Variants in CEP192 observed in about 807,000 individuals in gnomAD.
CEP192 encodes centrosomal protein 192, also known as centrosomal protein of 192 kDa.
A neutral mutation model predicts 271.8 loss-of-function variants in CEP192; 151 were observed. The ratio of observed to expected loss-of-function variants is 0.56; its 90% CI spans 0.49 to 0.64. The LOEUF is 0.64. Among genes scored for constraint, CEP192 ranks in the 30% least tolerant of loss-of-function variants. CEP192 has a pLI of 0.00. For synonymous variants in CEP192, 995 were observed against 1,076.5 expected, an observed-to-expected ratio of 0.92 and a Z score of 1.48; for missense variants, 2,910 against 3,020.5, an observed-to-expected ratio of 0.96 and a Z score of 0.86.
rs983383132 is a variant in CEP192, at chr18:13,100,356, A to G, written c.6715A>G (p.Thr2239Ala). ...REDLTQVELLTRLTSKPFGIL... is the reference protein window; with the variant it reads ...REDLTQVELLARLTSKPFGIL... ...AGATTTAACTCAAGTGGAACTTTTA[A>G]CTCGTTTGACCTCCAAACCATTTGG... Residue 2239 changes from threonine (T) to alanine (A), a missense_variant, in exon 38 of 45, where the codon ACT becomes GCT. Transcript: ENST00000506447. The G allele has an allele frequency of 1.5e-5, 24 of 1,613,994 alleles. No individual in the cohort carries two copies. The highest frequency in any genetic ancestry group is 2.0e-5 in the Non-Finnish European group (24 of 1,179,988).
chr18:13,006,541 T>G (rs1402058064), intron 3 of CEP192, among the ~76,000 whole-genome samples: 2 of 152,196 alleles, frequency 1.3e-5, no homozygotes, highest in Non-Finnish European at 2.9e-5. Context: ...TTCTGAAGAT[T>G]CTGATTAGAA....
chr18:13,010,189 A>C (rs965045208), intron 4 of CEP192, among the ~76,000 whole-genome samples: 27 of 152,164 alleles, frequency 1.8e-4, no homozygotes, highest in Middle Eastern at 3.2e-3. Context: ...GTTTAAAAAA[A>C]TCATAGGCTT....
At position 13,116,487 on chromosome 18, in the gene CEP192, C is replaced by A. The variant is rs1169473037; in HGVS notation, c.7400C>A (p.Ser2467Tyr). ...CTTAAAGTCAATCTGCGAAATAATT[C>A]TTTTATTACACACTCAGTAAGTTGG... ...RTLKVNLRNN[S>Y]FITHSLKFLS... is the part of the protein sequence containing the mutation. The change falls in exon 43 of 45, where the codon TCT becomes TAT. Residue 2467 changes from serine (S) to tyrosine (Y), a missense_variant. Transcript: ENST00000506447. 6.2e-7 allele frequency: 1 copy of A among 1,607,378 alleles called. No homozygotes were observed. Among genetic ancestry groups the A allele is most frequent in the Non-Finnish European group, 8.5e-7 (1 of 1,177,772 alleles).
In CEP192 at chr18:13,124,670, C is replaced by G. The variant is rs199981193; in HGVS notation, c.7514C>G (p.Pro2505Arg). The change falls in exon 45 of 45, where the codon CCG becomes CGG. Residue 2505 changes from proline to arginine, a missense_variant. By Grantham distance (103) the Pro-to-Arg change is moderately radical. Coordinates refer to ENST00000506447, the MANE Select transcript of CEP192 (RefSeq NM_032142.4). The stretch of plus-strand genomic sequence containing the variant: ...ATCAACATGCCCGTGCAGTTCAAAC[C>G]GAAGTCCGCAGGCAAATTTGAAGCT... ...HYINMPVQFK[P>R]KSAGKFEALL... The G allele has an allele frequency of 1.2e-6, 2 of 1,613,968 alleles. No homozygotes were observed. The highest frequency in any genetic ancestry group is 1.7e-6 in the Non-Finnish European group (2 of 1,179,948).
chr18:13,091,829 T>C (rs2144747724), intron 33 of CEP192, among the ~76,000 whole-genome samples: 1 of 152,320 alleles, frequency 6.6e-6, no homozygotes, highest in African/African-American at 2.4e-5. Flanking sequence ...GTTTCTAGAT[T>C]TACTTTAAAT....
rs1161156363 is a variant in CEP192, at chr18:13,105,012, G to A, written c.6980G>A (p.Arg2327Lys). 1 of 1,613,822 alleles carries A rather than the reference G, an allele frequency of 6.2e-7. No homozygotes were observed. The highest frequency in any genetic ancestry group is 1.3e-5 in the African/African-American group (1 of 74,922). The change falls in exon 40 of 45, where the codon AGA becomes AAA. Residue 2327 changes from arginine to lysine, a missense_variant. Coordinates refer to ENST00000506447, the MANE Select transcript of CEP192 (RefSeq NM_032142.4). Reference protein sequence around the residue: ...KGVDESGDVFRATYAAFRCSP... With the variant: ...KGVDESGDVFKATYAAFRCSP... ...GTTGATGAAAGTGGAGATGTTTTTA[G>A]AGCTACCTATGCAGCATTCAGATGT...
chr18:12,991,740 C>G (rs1363462868), intron 1 of CEP192, among the ~76,000 whole-genome samples: 2 of 152,250 alleles, frequency 1.3e-5, no homozygotes, highest in Non-Finnish European at 2.9e-5. Context: ...TCTTTCCTCC[C>G]CTCTTGTCTG....
At chr18:13,093,852 G>A (rs1461718936) in intron 34 of CEP192, among the ~76,000 whole-genome samples, 1 of 152,176 alleles carries the variant, frequency 6.6e-6, no homozygotes, top group Non-Finnish European at 1.5e-5. Flanking sequence ...CATAGATAAG[G>A]ACATTAGTGT....
chr18:13,105,804 C>G (rs1409895844), intron 40 of CEP192, among the ~76,000 whole-genome samples: 1 of 152,144 alleles, frequency 6.6e-6, no homozygotes, highest in Non-Finnish European at 1.5e-5. Flanking sequence ...ACAACAGAAG[C>G]AAAGCAGAAG....
At chr18:13,073,668 G>A (rs1328438387) in intron 30 of CEP192, among the ~76,000 whole-genome samples, 1 of 152,210 alleles carries the variant, frequency 6.6e-6, no homozygotes, top group African/African-American at 2.4e-5. Flanking sequence ...AGCAGATGCG[G>A]CATCTGGTGA....
At chr18:12,997,234 C>T (rs1414893831) in intron 1 of CEP192, among the ~76,000 whole-genome samples, 1 of 151,880 alleles carries the variant, frequency 6.6e-6, no homozygotes, top group Non-Finnish European at 1.5e-5. Context: ...AGGAATCAGA[C>T]CGAGGGGTTG....
rs948405633 is a variant in CEP192, at chr18:13,001,442, A to AT, written c.165-7dup. ...ATTTAATTCTTAACAATTAAAACAAATTTTTTTTGTATAGGTATCCTGATA... is the reference window on the plus strand; with the variant it reads ...ATTTAATTCTTAACAATTAAAACAAATTTTTTTTTGTATAGGTATCCTGATA... On this transcript the variant is annotated splice_polypyrimidine_tract_variant and intron_variant, in intron 2 of 44. Coordinates refer to ENST00000506447, the MANE Select transcript of CEP192 (RefSeq NM_032142.4). 1.1e-4 allele frequency: 168 copies of AT among 1,514,952 alleles called. No individual in the cohort carries two copies. The highest frequency in any genetic ancestry group is 1.4e-4 in the Non-Finnish European group (154 of 1,121,706). The allele number at this position is 1,514,952 out of a possible 1,614,324, so 93.8% of individuals were successfully genotyped here. A position where few individuals can be genotyped will look rare whatever the true frequency, so the allele number is the denominator to read the frequency against.
At chr18:13,044,991 A>G (rs1171679231) in intron 15 of CEP192, among the ~76,000 whole-genome samples, 1 of 152,162 alleles carries the variant, frequency 6.6e-6, no homozygotes, top group African/African-American at 2.4e-5. Context: ...GTTTTAGTAC[A>G]TTGTAATTTA....
intron 9 of CEP192, among the ~76,000 whole-genome samples, chr18:13,020,573 GT>G (rs995938196): frequency 1.3e-5 from 2 of 152,062 alleles, no homozygotes; most frequent in African/African-American, 4.8e-5. Flanking sequence ...CTAGCTTTCA[GT>G]TTGTTTGGAT....
chr18:13,026,383 G>T lies in CEP192; in HGVS notation c.1051-3280G>T, dbSNP rs117726215. The stretch of plus-strand genomic sequence containing the variant: ...TTTTTCCAAGTACAGCCCTATTGCA[G>T]TATGCCTTTATCTTATTTGGAGTTC... On this transcript the variant is annotated intron_variant, in intron 9 of 44. Coordinates refer to ENST00000506447, the MANE Select transcript of CEP192 (RefSeq NM_032142.4). Among the ~76,000 whole-genome samples, 322 of 152,204 alleles carry T rather than the reference G, an allele frequency of 2.1e-3. 8 individuals carry two copies. In the East Asian group the frequency reaches 0.047, roughly 22 times the overall value.
intron 3 of CEP192, among the ~76,000 whole-genome samples, chr18:13,008,046 A>T (rs941871708): frequency 1.3e-5 from 2 of 152,272 alleles, no homozygotes; most frequent in Non-Finnish European, 2.9e-5. Context: ...GACTAGGGAT[A>T]AAAGTAAAAA....
At chr18:13,121,366 C>T (rs1182750254) in intron 44 of CEP192, among the ~76,000 whole-genome samples, 1 of 152,096 alleles carries the variant, frequency 6.6e-6, no homozygotes, top group Non-Finnish European at 1.5e-5. Context: ...CCAAGGCCAC[C>T]GGAAGGCCTG....
rs1443588008 is a variant in CEP192 at position 13,049,159 on chromosome 18, G to T, written c.2368G>T (p.Val790Phe). The T allele has an allele frequency of 6.2e-7, 1 of 1,613,964 alleles. No homozygotes were observed. Among genetic ancestry groups the T allele is most frequent in the South Asian group, 1.1e-5 (1 of 91,074 alleles). ...DMEKYLKKTE[V>F]SRYESALENF... Reference sequence around the variant, plus strand: ...GGAGAAATACCTTAAAAAAACAGAAGTTAGTAGATATGAAAGTGCATTGGA... The same window carrying T: ...GGAGAAATACCTTAAAAAAACAGAATTTAGTAGATATGAAAGTGCATTGGA... The change falls in exon 16 of 45, where the codon GTT (valine) becomes TTT (phenylalanine). Residue 790 changes from valine (V) to phenylalanine (F), a missense_variant. Val to Phe is a conservative substitution (Grantham distance 50). Transcript: ENST00000506447.
chr18:13,115,404 C>A (rs2040382980), intron 42 of CEP192, among the ~76,000 whole-genome samples: 1 of 152,052 alleles, frequency 6.6e-6, no homozygotes, highest in African/African-American at 2.4e-5. Context: ...GGAGAAGTTC[C>A]CAGGAGAAGT....
Sources: allele counts gnomAD v4.1 joint callset (sites outside exome capture counted in the v4.1 genomes callset), GRCh38; gene constraint gnomAD v4.1.1; transcripts MANE v1.5; gene names NCBI Gene and HGNC (gene_info 2026-07-23, HGNC 2026-07-21).